The following CCDC91 variants were observed in gnomAD, a reference collection of about 807,000 sequenced individuals.
The protein encoded by CCDC91 is coiled-coil domain containing 91.
Under a neutral mutation model 63.2 loss-of-function variants are expected in CCDC91, and 48 were observed. The observed-to-expected ratio is 0.76, with a 90% CI of 0.60 to 0.97. The LOEUF is 0.97. Among genes scored for constraint, CCDC91 ranks in the 50% least tolerant of loss-of-function variants. CCDC91 has a pLI of 0.00. For synonymous variants in CCDC91, 167 were observed against 165.8 expected (o/e 1.01, Z -0.06); for missense variants, 500 against 494.6 (o/e 1.01, Z -0.10).
Position 28,325,187 on chromosome 12 carries a change from A to G in CCDC91, c.576+17438A>G, listed in dbSNP as rs1395870596. ...GAATCACATAAAAGTAATTGAATGT[A>G]TACAAATAGAAAAGAAAAACAATGG... On this transcript the variant is annotated intron_variant, in intron 6 of 12. Transcript: ENST00000536442. 1.2e-4 allele frequency among the ~76,000 whole-genome samples: 19 copies of G among 152,060 alleles called. 1 individual carries two copies. Among genetic ancestry groups the G allele is most frequent in the Admixed American group, 1.2e-3 (18 of 15,236 alleles).
At chr12:28,431,782 G>A (rs187903800) in intron 8 of CCDC91, among the ~76,000 whole-genome samples, 1 of 151,860 alleles carries the variant, frequency 6.6e-6, no homozygotes, top group Admixed American at 6.6e-5. Context: ...CAGTCTTGGT[G>A]GTGTACATTC....
chr12:28,267,529 A>G (rs1464992100), intron 3 of CCDC91, among the ~76,000 whole-genome samples: 2 of 149,446 alleles, frequency 1.3e-5, no homozygotes, highest in African/African-American at 4.9e-5. Context: ...TTGAAAGATT[A>G]TTTAAAATTA....
At chr12:28,202,345 TG>T (rs1240082857) in intron 1 of CCDC91, among the ~76,000 whole-genome samples, 3 of 152,242 alleles carry the variant, frequency 2.0e-5, no homozygotes, top group African/African-American at 7.2e-5. Context: ...CACAATTTTT[TG>T]TTGAAAATTA....
chr12:28,335,625 T>C (rs1941917878), intron 6 of CCDC91, among the ~76,000 whole-genome samples: 1 of 151,542 alleles, frequency 6.6e-6, no homozygotes, highest in African/African-American at 2.4e-5. Context: ...CTGGCTTATC[T>C]CAAACTCTTG....
At chr12:28,382,473 T>A (rs1565888860) in intron 7 of CCDC91, among the ~76,000 whole-genome samples, 1 of 151,768 alleles carries the variant, frequency 6.6e-6, no homozygotes. Flanking sequence ...TAAAAAAAAA[T>A]TAAGTGTCAT....
chr12:28,225,202 A>G (rs2135728726), intron 1 of CCDC91, among the ~76,000 whole-genome samples: 1 of 152,282 alleles, frequency 6.6e-6, no homozygotes, highest in Middle Eastern at 3.4e-3. Context: ...ATAAAATTGG[A>G]GTGATGAGAG....
At chr12:28,401,273 C>T (rs910976125) in intron 8 of CCDC91, among the ~76,000 whole-genome samples, 1 of 152,108 alleles carries the variant, frequency 6.6e-6, no homozygotes, top group African/African-American at 2.4e-5. Context: ...GGGAAACAAA[C>T]ATGTCCTTCC....
intron 1 of CCDC91, among the ~76,000 whole-genome samples, chr12:28,214,295 T>C (rs1281031779): frequency 6.6e-6 from 1 of 152,032 alleles, no homozygotes; most frequent in Non-Finnish European, 1.5e-5. Flanking sequence ...TGTTCTATAA[T>C]GGAGGTAGAG....
intron 7 of CCDC91, among the ~76,000 whole-genome samples, chr12:28,370,650 T>C (rs182549152): frequency 3.8e-4 from 58 of 152,320 alleles, no homozygotes; most frequent in Non-Finnish European, 5.7e-4. Flanking sequence ...AGTACCAATT[T>C]TTTGTATTAG....
chr12:28,459,968 A>T (rs1950228365), intron 11 of CCDC91, among the ~76,000 whole-genome samples: 1 of 152,128 alleles, frequency 6.6e-6, no homozygotes, highest in Non-Finnish European at 1.5e-5. Context: ...GTTTAGAGGA[A>T]ATTTAACCTA....
At chr12:28,447,743 CAGGGGAGGGG>C (rs1429987489) in intron 8 of CCDC91, among the ~76,000 whole-genome samples, 1 of 61,628 alleles carries the variant, frequency 1.6e-5, no homozygotes, top group Non-Finnish European at 2.9e-5. Context: ...CAGGGCAGGG[CAGGGGAGGGG>C]AGGGGAGGGA....
chr12:28,529,438 T>C (rs1347618624), intron 12 of CCDC91, among the ~76,000 whole-genome samples: 2 of 152,150 alleles, frequency 1.3e-5, no homozygotes, highest in Non-Finnish European at 2.9e-5. Flanking sequence ...TAGCTGAGTT[T>C]TCTACTCATT....
At chr12:28,305,519 T>G in intron 3 of CCDC91, 130 bp from the exon 4 acceptor site, 1 of 763,142 alleles carries the variant, frequency 1.3e-6, no homozygotes, top group Non-Finnish European at 2.0e-6. Context: ...GATTTTTCAC[T>G]CTCATTGCTT....
Position 28,305,699 on chromosome 12 carries a change from G to A in CCDC91, c.160G>A (p.Asp54Asn). The A allele has an allele frequency of 6.2e-7, 1 of 1,613,318 alleles. No homozygotes were observed. Among genetic ancestry groups the A allele is most frequent in the Non-Finnish European group, 8.5e-7 (1 of 1,179,562 alleles). The change falls in exon 4 of 13, where the codon GAC becomes AAC. Residue 54 changes from aspartate to asparagine, a missense_variant. Asp to Asn is a conservative substitution (Grantham distance 23). Transcript: ENST00000536442. ...TTCTCCTGAGATTGTACTGGACCGT[G>A]ACCACTCTTCTTCCATTGGCTGCCT... ...PSSPEIVLDR[D>N]HSSSIGCLSS... is the part of the protein sequence containing the mutation.
intron 11 of CCDC91, among the ~76,000 whole-genome samples, chr12:28,480,974 A>G (rs1459504185): frequency 6.6e-6 from 1 of 152,028 alleles, no homozygotes; most frequent in Non-Finnish European, 1.5e-5. Context: ...GAGAGAAATT[A>G]TAACATCTTA....
intron 3 of CCDC91, among the ~76,000 whole-genome samples, chr12:28,282,924 G>C (rs1433138932): frequency 2.6e-5 from 4 of 151,902 alleles, no homozygotes; most frequent in African/African-American, 9.7e-5. Flanking sequence ...TTCTACATGT[G>C]GTTATCCAAT....
At chr12:28,503,176 C>T (rs1329153595) in intron 12 of CCDC91, among the ~76,000 whole-genome samples, 3 of 151,924 alleles carry the variant, frequency 2.0e-5, no homozygotes, top group Non-Finnish European at 2.9e-5. Flanking sequence ...ATTTTCGCAA[C>T]CTACTAATCT....
intron 1 of CCDC91, among the ~76,000 whole-genome samples, chr12:28,227,474 C>T (rs1944343660): frequency 6.6e-6 from 1 of 152,014 alleles, no homozygotes; most frequent in Middle Eastern, 3.2e-3. Context: ...AGTCAACTTC[C>T]TATTAGACCT....
chr12:28,538,119 G>GT (rs34667403), intron 12 of CCDC91, among the ~76,000 whole-genome samples: 16 of 147,840 alleles, frequency 1.1e-4, no homozygotes, highest in Admixed American at 2.0e-4. Context: ...TATTTTTAGG[G>GT]TTTTTTTTTA....
Sources: gnomAD v4.1 joint callset for allele counts (sites outside exome capture counted in the v4.1 genomes callset) on GRCh38, gnomAD v4.1.1 for gene constraint, MANE v1.5 for transcripts, NCBI Gene and HGNC (gene_info 2026-07-23, HGNC 2026-07-21) for gene names.